The following FBN2 variants were observed in gnomAD, a reference collection of about 807,000 sequenced individuals.
FBN2 encodes fibrillin-2.
Under a neutral mutation model 355.6 loss-of-function variants are expected in FBN2, and 105 were observed. The observed-to-expected ratio is 0.30, with a 90% CI of 0.25 to 0.35. FBN2 has a LOEUF of 0.35. FBN2 is among the 10% of genes least tolerant of loss of function. FBN2 has a pLI of 1.00. For missense variants in FBN2, 3,280 were observed against 3,758.7 expected (o/e 0.87, Z 3.33); for synonymous variants, 1,350 against 1,301.2 (o/e 1.04, Z -0.81).
At chr5:128,275,442 A>T (rs1409341240) in intron 59 of FBN2, among the ~76,000 whole-genome samples, 4 of 144,722 alleles carry the variant, frequency 2.8e-5, no homozygotes, top group Non-Finnish European at 4.6e-5. Context: ...GCTTGCTATT[A>T]TTTTTTTTTT....
chr5:128,344,313 G>A (rs1561781109), intron 25 of FBN2, 72 bp downstream of exon 25: 4 of 1,480,048 alleles, frequency 2.7e-6, no homozygotes, highest in Non-Finnish European at 3.8e-6. Flanking sequence ...TAGCTTTTTA[G>A]GGCAGTCCTT....
rs112016595 is a variant in FBN2 at position 128,343,959 on chromosome 5, C to T, written c.3343+426G>A. Among the ~76,000 whole-genome samples, 136 of 152,188 alleles carry T rather than the reference C, an allele frequency of 8.9e-4. 2 individuals carry two copies. Among genetic ancestry groups the T allele is most frequent in the Middle Eastern group, 6.8e-3 (2 of 292 alleles). On this transcript the variant is annotated intron_variant, in intron 25 of 64. Transcript: ENST00000262464. The stretch of plus-strand genomic sequence containing the variant: ...TTAAAAAATTTACAGAGCTGGATGC[C>T]GTGGCTCAAGCCTGTAATCCCAGCA...
At chr5:128,465,603 G>T (rs1315105050) in intron 5 of FBN2, among the ~76,000 whole-genome samples, 4 of 152,184 alleles carry the variant, frequency 2.6e-5, no homozygotes, top group African/African-American at 9.6e-5. Flanking sequence ...TAGTTCTATG[G>T]GTAGCCTAGT....
intron 7 of FBN2, among the ~76,000 whole-genome samples, chr5:128,421,169 C>A (rs887539061): frequency 6.6e-6 from 1 of 152,148 alleles, no homozygotes; most frequent in Non-Finnish European, 1.5e-5. Flanking sequence ...GCCTAGAATG[C>A]CATTTTCAGT....
intron 6 of FBN2, among the ~76,000 whole-genome samples, chr5:128,462,419 C>T (rs927934912): frequency 8.6e-5 from 13 of 152,022 alleles, no homozygotes; most frequent in Non-Finnish European, 1.5e-4. Flanking sequence ...GCCTGAACTA[C>T]GGATTAGTAT....
chr5:128,448,336 C>T (rs899628758), intron 6 of FBN2, among the ~76,000 whole-genome samples: 5 of 150,698 alleles, frequency 3.3e-5, no homozygotes, highest in Admixed American at 2.0e-4. Context: ...CCAAGTTTTG[C>T]TCTTGTTGCC....
chr5:128,299,396 G>T (rs941693796), intron 48 of FBN2, among the ~76,000 whole-genome samples: 30 of 145,412 alleles, frequency 2.1e-4, no homozygotes, highest in Non-Finnish European at 3.7e-4. Flanking sequence ...GTTTACCTAA[G>T]CAAGCCTGGG....
chr5:128,270,036 AACC>A (rs1251319737), intron 62 of FBN2, among the ~76,000 whole-genome samples: 3 of 152,260 alleles, frequency 2.0e-5, no homozygotes, highest in African/African-American at 7.2e-5. Context: ...TCAGAAATAA[AACC>A]ACACATCTAC....
intron 5 of FBN2, among the ~76,000 whole-genome samples, chr5:128,480,063 AAT>A (rs1372029069): frequency 1.5e-5 from 2 of 136,962 alleles, no homozygotes; most frequent in African/African-American, 2.7e-5. Flanking sequence ...ATGTATATAT[AAT>A]ATATATATTC....
chr5:128,337,967 C>A, intron 27 of FBN2, 30 bp downstream of exon 27: 1 of 1,612,714 alleles, frequency 6.2e-7, no homozygotes, highest in Non-Finnish European at 8.5e-7. Flanking sequence ...TTGTGCTGGG[C>A]AGGTTTATGT....
intron 55 of FBN2, among the ~76,000 whole-genome samples, chr5:128,280,859 T>C (rs942264344): frequency 4.6e-5 from 7 of 152,216 alleles, no homozygotes; most frequent in African/African-American, 9.6e-5. Context: ...TGGTTGGTGA[T>C]AAATAAACCT....
intron 23 of FBN2, among the ~76,000 whole-genome samples, chr5:128,347,132 C>G (rs1751203991): frequency 6.6e-6 from 1 of 152,184 alleles, no homozygotes; most frequent in South Asian, 2.1e-4. Context: ...GAACTCTGGC[C>G]TGAGTCATAC....
chr5:128,373,896 T>C (rs770305781), intron 15 of FBN2, among the ~76,000 whole-genome samples: 4 of 152,202 alleles, frequency 2.6e-5, no homozygotes, highest in Non-Finnish European at 4.4e-5. Context: ...TTTATACTCT[T>C]GCTTCTGCAG....
At chr5:128,296,367 G>A (rs1236698073) in intron 48 of FBN2, among the ~76,000 whole-genome samples, 1 of 152,024 alleles carries the variant, frequency 6.6e-6, no homozygotes, top group African/African-American at 2.4e-5. Context: ...GAGTTAGGGA[G>A]GATTCCCTCT....
chr5:128,442,420 G>A (rs1753946972), intron 7 of FBN2: 1 of 454,970 alleles, frequency 2.2e-6, no homozygotes, highest in East Asian at 7.0e-5. Flanking sequence ...AAAACGCTGA[G>A]CTGTCTTTTA....
At chr5:128,513,318 TAAC>T (rs2127154639) in intron 5 of FBN2, among the ~76,000 whole-genome samples, 1 of 152,366 alleles carries the variant, frequency 6.6e-6, no homozygotes, top group Non-Finnish European at 1.5e-5. Flanking sequence ...TTCTATATAA[TAAC>T]AACTGATTAC....
chr5:128,335,841 A>G, intron 28 of FBN2, 147 bp downstream of exon 28: 1 of 891,938 alleles, frequency 1.1e-6, no homozygotes, highest in Non-Finnish European at 1.8e-6. Context: ...CTGCTGCAAG[A>G]TCACACAATA....
chr5:128,444,142 G>A (rs557576563), intron 7 of FBN2, among the ~76,000 whole-genome samples: 17 of 136,208 alleles, frequency 1.2e-4, no homozygotes, highest in Admixed American at 7.5e-4. Flanking sequence ...GCGCGATCTC[G>A]GCTCACTGCA....
In FBN2 at chr5:128,318,896, G is replaced by A; in HGVS notation, c.4577C>T (p.Thr1526Ile). The change falls in exon 35 of 65, where the codon ACA becomes ATA. Residue 1526 changes from threonine (T) to isoleucine (I), a missense_variant. Physicochemically the swap from Thr to Ile is moderately conservative, Grantham distance 89. Around this residue, in one of 6 missense-constraint regions of FBN2, gnomAD observed 2,284 missense variants for 2,749.5 expected, o/e 0.83. Transcript: ENST00000262464. The stretch of plus-strand genomic sequence containing the variant: ...GACCATACCTGTACAGTTCCCTCCT[G>A]TTCTGTCCAATTCATAACCATCATC... ...ICDDGYELDR[T>I]GGNCTDIDEC... The A allele has an allele frequency of 6.2e-7, 1 of 1,613,426 alleles. No individual in the cohort carries two copies. The highest frequency in any genetic ancestry group is 8.5e-7 in the Non-Finnish European group (1 of 1,179,638).
Sources: gnomAD v4.1 joint callset for allele counts (sites outside exome capture counted in the v4.1 genomes callset) on GRCh38, gnomAD v4.1.1 for gene constraint, gnomAD v4.1.1 regional missense constraint, MANE v1.5 for transcripts, NCBI Gene and HGNC (gene_info 2026-07-23, HGNC 2026-07-21) for gene names.